The following PAPPA2 variants were observed in gnomAD, a reference collection of about 807,000 sequenced individuals.
The protein encoded by PAPPA2 is pappalysin-2.
PAPPA2 carries 86 observed loss-of-function variants against 176.4 expected under a neutral mutation model. That is an observed-to-expected ratio of 0.49 (90% confidence interval 0.41 to 0.58). PAPPA2 has a LOEUF of 0.58. PAPPA2 is among the 20% of genes least tolerant of loss of function. PAPPA2 has a pLI of 0.00. For synonymous variants in PAPPA2, 809 were observed against 852.2 expected (o/e 0.95, Z 0.88); for missense variants, 2,073 against 2,256.9 (o/e 0.92, Z 1.65).
At chr1:176,821,032 C>T (rs1359936505) in intron 21 of PAPPA2, among the ~76,000 whole-genome samples, 1 of 152,114 alleles carries the variant, frequency 6.6e-6, no homozygotes, top group East Asian at 1.9e-4. Flanking sequence ...TCTGCTGCTC[C>T]CCCCAATGGC....
intron 22 of PAPPA2, 79 bp downstream of exon 22, chr1:176,840,350 G>A: frequency 4.4e-6 from 5 of 1,138,080 alleles, no homozygotes; most frequent in Non-Finnish European, 6.5e-6. Context: ...TCTCATTCAT[G>A]GTGTGTAATA....
chr1:176,653,508 A>C (rs922817715), intron 3 of PAPPA2, among the ~76,000 whole-genome samples: 1 of 151,216 alleles, frequency 6.6e-6, no homozygotes, highest in East Asian at 2.0e-4. Context: ...TGGGCTTTGC[A>C]TCTCATTTTC....
At chr1:176,809,879 T>C (rs891701727) in intron 21 of PAPPA2, among the ~76,000 whole-genome samples, 3 of 151,986 alleles carry the variant, frequency 2.0e-5, no homozygotes, top group African/African-American at 4.8e-5. Flanking sequence ...TTCTGCATCA[T>C]GTCGGACCCT....
At chr1:176,754,599 A>C (rs1337018533) in intron 14 of PAPPA2, among the ~76,000 whole-genome samples, 1 of 152,260 alleles carries the variant, frequency 6.6e-6, no homozygotes, top group Non-Finnish European at 1.5e-5. Context: ...AATGTAACCT[A>C]GTATAGCCAT....
intron 1 of PAPPA2, among the ~76,000 whole-genome samples, chr1:176,538,216 A>T (rs1226430738): frequency 6.6e-6 from 1 of 151,884 alleles, no homozygotes; most frequent in Non-Finnish European, 1.5e-5. Context: ...CTCCTTTCCC[A>T]TTCACTTCCC....
intron 3 of PAPPA2, among the ~76,000 whole-genome samples, chr1:176,656,684 C>G (rs1658053154): frequency 1.3e-5 from 2 of 151,770 alleles, no homozygotes; most frequent in Admixed American, 1.3e-4. Context: ...TCTCTTAAAC[C>G]TCTTTCCTCA....
intron 14 of PAPPA2, among the ~76,000 whole-genome samples, chr1:176,758,152 GA>G (rs1558565210): frequency 6.6e-6 from 1 of 152,202 alleles, no homozygotes; most frequent in Non-Finnish European, 1.5e-5. Context: ...AATTACTGCT[GA>G]GATTCTTCTG....
chr1:176,666,552 TA>T (rs1658650085), intron 3 of PAPPA2, among the ~76,000 whole-genome samples: 1 of 143,974 alleles, frequency 6.9e-6, no homozygotes, highest in East Asian at 2.1e-4. Context: ...GGTAAGGAAG[TA>T]AATATATATG....
chr1:176,807,277 TG>T (rs1278988071), intron 21 of PAPPA2, among the ~76,000 whole-genome samples: 1 of 152,158 alleles, frequency 6.6e-6, no homozygotes, highest in Non-Finnish European at 1.5e-5. Flanking sequence ...GTGTATATGT[TG>T]AGAGGGCGAG....
At chr1:176,807,597 G>A (rs528687947) in intron 21 of PAPPA2, among the ~76,000 whole-genome samples, 1 of 151,162 alleles carries the variant, frequency 6.6e-6, no homozygotes, top group Non-Finnish European at 1.5e-5. Context: ...CCAGGTTCAA[G>A]CGATTCTGCT....
intron 3 of PAPPA2, among the ~76,000 whole-genome samples, chr1:176,615,576 T>G (rs1239120364): frequency 1.3e-5 from 2 of 152,242 alleles, no homozygotes; most frequent in South Asian, 2.1e-4. Flanking sequence ...ATCCACCCGC[T>G]TCGGCCTCCC....
chr1:176,527,364 G>A (rs1218751732), intron 1 of PAPPA2, among the ~76,000 whole-genome samples: 1 of 152,200 alleles, frequency 6.6e-6, no homozygotes, highest in African/African-American at 2.4e-5. Context: ...CACTGGAGAT[G>A]AGGAAATTAA....
Position 176,710,021 on chromosome 1 carries a change from A to G in PAPPA2, c.3496A>G (p.Ile1166Val), listed in dbSNP as rs199691244. ...TTGCTACATGTATGAGGGAGATGGCATATGTGAACCTTTTGAGAGAAAAAC... is the reference window on the plus strand; with the variant it reads ...TTGCTACATGTATGAGGGAGATGGCGTATGTGAACCTTTTGAGAGAAAAAC... ...SLCYMYEGDGICEPFERKTSI... is the reference protein window; with the variant it reads ...SLCYMYEGDGVCEPFERKTSI... The change falls in exon 11 of 23, where the codon ATA becomes GTA. Residue 1166 changes from isoleucine to valine, a missense_variant. Ile to Val is a conservative substitution (Grantham distance 29, BLOSUM62 3). This residue lies in a region of PAPPA2 where 846 missense variants were observed against 857.9 expected (regional missense o/e 0.99). Transcript: ENST00000367662. The G allele has an allele frequency of 6.2e-5, 100 of 1,613,260 alleles. No homozygotes were observed. Among genetic ancestry groups the G allele is most frequent in the Non-Finnish European group, 6.9e-5 (81 of 1,179,588 alleles).
intron 17 of PAPPA2, among the ~76,000 whole-genome samples, chr1:176,774,537 T>G (rs1664368195): frequency 6.6e-6 from 1 of 152,204 alleles, no homozygotes; most frequent in African/African-American, 2.4e-5. Context: ...ACTCTGAGTG[T>G]CATTATCTTA....
At chr1:176,498,068 T>G (rs1365225448) in intron 1 of PAPPA2, among the ~76,000 whole-genome samples, 1 of 152,216 alleles carries the variant, frequency 6.6e-6, no homozygotes, top group Non-Finnish European at 1.5e-5. Context: ...TAAAACATAG[T>G]ACTCAGAATT....
rs555801320 is a variant in PAPPA2 at position 176,595,247 on chromosome 1, G to T, written c.1643G>T (p.Arg548Leu). 3 of 1,614,106 alleles carry T rather than the reference G, an allele frequency of 1.9e-6. No individual in the cohort carries two copies. The African/African-American group carries it at 4.0e-5, about 22-fold the overall frequency. ...CCCATTGTGAGTGAGGAGCAGATTC[G>T]TCTGCAGCACGAGGCACTGAATGAG... ...LNPIVSEEQIRLQHEALNEAF... is the reference protein window; with the variant it reads ...LNPIVSEEQILLQHEALNEAF... The change falls in exon 3 of 23, where the codon CGT becomes CTT. Residue 548 changes from arginine to leucine, a missense_variant. Arg to Leu is a moderately radical substitution (Grantham distance 102). Around this residue, in one of 4 missense-constraint regions of PAPPA2, gnomAD observed 1,196 missense variants for 1,330.4 expected, o/e 0.90. Coordinates refer to ENST00000367662, the MANE Select transcript of PAPPA2 (RefSeq NM_020318.3).
chr1:176,741,073 C>G (rs918534500), intron 14 of PAPPA2, among the ~76,000 whole-genome samples: 4 of 152,048 alleles, frequency 2.6e-5, no homozygotes, highest in African/African-American at 7.2e-5. Flanking sequence ...TACTGGTGTA[C>G]TATGTTAGTT....
intron 3 of PAPPA2, among the ~76,000 whole-genome samples, chr1:176,644,203 G>A (rs556053631): frequency 2.6e-5 from 4 of 151,938 alleles, no homozygotes; most frequent in Admixed American, 2.6e-4. Flanking sequence ...AACTTAGCAG[G>A]GGAGAGGGTG....
chr1:176,483,847 G>A (rs1274785104), intron 1 of PAPPA2, among the ~76,000 whole-genome samples: 2 of 152,124 alleles, frequency 1.3e-5, no homozygotes, highest in African/African-American at 4.8e-5. Flanking sequence ...TAGAGGGAAT[G>A]GGGAGAAGCT....
Sources: allele counts gnomAD v4.1 joint callset (sites outside exome capture counted in the v4.1 genomes callset), GRCh38; gene constraint gnomAD v4.1.1; regional missense constraint gnomAD v4.1.1; transcripts MANE v1.5; gene names NCBI Gene and HGNC (gene_info 2026-07-23, HGNC 2026-07-21).